The following MEI4 variants were observed in gnomAD, a reference collection of about 807,000 sequenced individuals.
MEI4 encodes the protein meiosis-specific protein MEI4.
Under a neutral mutation model 31.4 loss-of-function variants are expected in MEI4, and 27 were observed. That is an observed-to-expected ratio of 0.86 (90% confidence interval 0.63 to 1.19). The LOEUF (loss-of-function observed/expected upper bound fraction) is 1.19, where lower values mean the gene tolerates loss of function less well. Among genes scored for constraint, MEI4 ranks in the 50% most tolerant of loss-of-function variants. MEI4 has a pLI of 0.00. For synonymous variants in MEI4, 122 were observed against 145.4 expected (o/e 0.84, Z 1.16); for missense variants, 329 against 398.9 (o/e 0.82, Z 1.49).
At chr6:77,709,312 G>C (rs1444892042) in intron 2 of MEI4, among the ~76,000 whole-genome samples, 1 of 152,188 alleles carries the variant, frequency 6.6e-6, no homozygotes, top group Non-Finnish European at 1.5e-5. Flanking sequence ...GAAGAACAAA[G>C]ATTAGGTTGC....
At chr6:77,666,142 G>C (rs375972466) in intron 1 of MEI4, among the ~76,000 whole-genome samples, 3 of 152,236 alleles carry the variant, frequency 2.0e-5, no homozygotes, top group East Asian at 1.9e-4. Flanking sequence ...TATAGGTTTC[G>C]GGATAGGCGG....
At chr6:77,692,831 A>T (rs1212601270) in intron 2 of MEI4, among the ~76,000 whole-genome samples, 5 of 152,040 alleles carry the variant, frequency 3.3e-5, no homozygotes, top group East Asian at 1.9e-4. Flanking sequence ...AATATGGATT[A>T]CCTAGAAGGA....
intron 1 of MEI4, among the ~76,000 whole-genome samples, chr6:77,690,024 G>T (rs1179542360): frequency 2.0e-5 from 3 of 151,950 alleles, no homozygotes; most frequent in Non-Finnish European, 4.4e-5. Flanking sequence ...GGAAAAGTAT[G>T]CTCAGAATGA....
chr6:77,695,524 C>A (rs1766006997), intron 2 of MEI4, among the ~76,000 whole-genome samples: 1 of 152,158 alleles, frequency 6.6e-6, no homozygotes, highest in Non-Finnish European at 1.5e-5. Flanking sequence ...ATAGGGAATC[C>A]TTTCCCCAAT....
intron 1 of MEI4, among the ~76,000 whole-genome samples, chr6:77,667,721 A>T (rs556641312): frequency 6.6e-6 from 1 of 152,152 alleles, no homozygotes; most frequent in Non-Finnish European, 1.5e-5. Context: ...GAGGCAGTTG[A>T]ACTGGACCAT....
At chr6:77,692,788 C>G (rs1769182499) in intron 2 of MEI4, among the ~76,000 whole-genome samples, 1 of 151,962 alleles carries the variant, frequency 6.6e-6, no homozygotes, top group Admixed American at 6.6e-5. Context: ...AAAGGTTGAG[C>G]CCAAGTTTCT....
intron 3 of MEI4, among the ~76,000 whole-genome samples, chr6:77,775,659 A>G (rs925305235): frequency 6.6e-6 from 1 of 152,078 alleles, no homozygotes; most frequent in African/African-American, 2.4e-5. Context: ...ATGTGTAAGT[A>G]TTTTTTGTGT....
chr6:77,817,247 C>G (rs544157946), intron 3 of MEI4, among the ~76,000 whole-genome samples: 1 of 152,170 alleles, frequency 6.6e-6, no homozygotes, highest in South Asian at 2.1e-4. Flanking sequence ...CTTGGTTGAA[C>G]TTGTTCTTCA....
At chr6:77,844,368 A>G (rs1215211289) in intron 4 of MEI4, among the ~76,000 whole-genome samples, 1 of 152,140 alleles carries the variant, frequency 6.6e-6, no homozygotes, top group East Asian at 1.9e-4. Flanking sequence ...CTCCATCTAC[A>G]TTGGAGGGTC....
rs574612574 is a variant in MEI4, at chr6:77,737,835, A to C, written c.233-23295A>C. On this transcript the variant is annotated intron_variant, in intron 2 of 4. Transcript: ENST00000684080. ...GACTCTCAGGTTTCAAACCTTGGAG[A>C]CTGGAGGGTAGTAGCAGTACTAGCA... Among the ~76,000 whole-genome samples the C allele has an allele frequency of 1.4e-3, 212 of 152,282 alleles. 1 individual carries two copies. Among genetic ancestry groups the C allele is most frequent in the African/African-American group, 4.5e-3 (186 of 41,564 alleles).
At chr6:77,825,319 T>G (rs2127710055) in intron 3 of MEI4, among the ~76,000 whole-genome samples, 1 of 152,318 alleles carries the variant, frequency 6.6e-6, no homozygotes, top group East Asian at 1.9e-4. Context: ...AGCAGTTGCC[T>G]TTGAGAAGCT....
At chr6:77,885,069 C>T (rs1325926089) in intron 4 of MEI4, among the ~76,000 whole-genome samples, 1 of 150,906 alleles carries the variant, frequency 6.6e-6, no homozygotes, top group Admixed American at 6.6e-5. Context: ...GTTTTTGTCA[C>T]CTCTATGGTT....
intron 3 of MEI4, among the ~76,000 whole-genome samples, chr6:77,800,609 T>C (rs1400603845): frequency 6.6e-6 from 1 of 152,230 alleles, no homozygotes; most frequent in Non-Finnish European, 1.5e-5. Flanking sequence ...GCCCATTCAG[T>C]ATGATATTGG....
chr6:77,887,805 C>T (rs1771660643), intron 4 of MEI4, among the ~76,000 whole-genome samples: 2 of 152,018 alleles, frequency 1.3e-5, no homozygotes, highest in South Asian at 4.1e-4. Context: ...TGGTGTATTG[C>T]TCAGATTGTT....
At chr6:77,747,311 T>A (rs898036787) in intron 2 of MEI4, among the ~76,000 whole-genome samples, 1 of 151,550 alleles carries the variant, frequency 6.6e-6, no homozygotes, top group African/African-American at 2.4e-5. Context: ...GACTCAAGAC[T>A]CCATCTAAAA....
intron 2 of MEI4, among the ~76,000 whole-genome samples, chr6:77,699,876 A>AGTGGCTGCAGAACAGCG (rs563066711): frequency 6.6e-6 from 1 of 151,536 alleles, no homozygotes; most frequent in Admixed American, 6.5e-5. Context: ...TGTCAGCAGC[A>AGTGGCTGCAGAACAGCG]GTGGCTGCAG....
intron 3 of MEI4, among the ~76,000 whole-genome samples, chr6:77,762,025 G>A (rs543539197): frequency 2.0e-4 from 31 of 152,224 alleles, no homozygotes; most frequent in African/African-American, 7.2e-4. Context: ...TAACAAATAA[G>A]GTTTTCCAAA....
chr6:77,683,592 A>G (rs1277925514), intron 1 of MEI4, among the ~76,000 whole-genome samples: 1 of 151,948 alleles, frequency 6.6e-6, no homozygotes, highest in Non-Finnish European at 1.5e-5. Context: ...CCACCATTCT[A>G]TCTCTGTCTC....
intron 2 of MEI4, among the ~76,000 whole-genome samples, chr6:77,726,824 G>A (rs1766835527): frequency 3.9e-5 from 2 of 51,206 alleles, no homozygotes; most frequent in South Asian, 4.5e-4. Context: ...TTTTGTAACA[G>A]ACAAAAATAA....
Sources: allele counts gnomAD v4.1 joint callset (sites outside exome capture counted in the v4.1 genomes callset), GRCh38; gene constraint gnomAD v4.1.1; transcripts MANE v1.5; gene names NCBI Gene and HGNC (gene_info 2026-07-23, HGNC 2026-07-21).